The following PPARGC1A variants were observed in gnomAD, a reference collection of about 807,000 sequenced individuals.
PPARGC1A encodes peroxisome proliferator-activated receptor gamma coactivator 1-alpha.
PPARGC1A carries 25 observed loss-of-function variants against 88.7 expected under a neutral mutation model. That is an observed-to-expected ratio of 0.28 (90% CI 0.21 to 0.39). The LOEUF is 0.39. Ranked by LOEUF, PPARGC1A falls within the 10% of genes least tolerant of loss-of-function variation. The pLI, the probability that PPARGC1A is intolerant of heterozygous loss-of-function variation, is 1.00. For missense variants in PPARGC1A, 880 were observed against 968.7 expected (o/e 0.91, Z 1.22); for synonymous variants, 363 against 355.6 (o/e 1.02, Z -0.24).
At chr4:24,295,693 A>G in the PPARGC1A span, among the ~76,000 whole-genome samples, 1 of 150,088 alleles carries the variant, frequency 6.7e-6, no homozygotes, top group Non-Finnish European at 1.5e-5. Context: ...ATATGAGTAT[A>G]TACATTACAT....
the PPARGC1A span, among the ~76,000 whole-genome samples, chr4:24,422,999 T>C: frequency 6.6e-6 from 1 of 152,216 alleles, no homozygotes; most frequent in African/African-American, 2.4e-5. Context: ...GCCCCTATTA[T>C]GCTGTTACAG....
chr4:23,893,163 G>A (rs970667813), upstream of PPARGC1A, among the ~76,000 whole-genome samples: 3 of 128,608 alleles, frequency 2.3e-5, no homozygotes, highest in South Asian at 2.7e-4. Flanking sequence ...AATCTATCTC[G>A]AGTTGCTAAC....
the PPARGC1A span, among the ~76,000 whole-genome samples, chr4:24,166,487 A>T: frequency 5.9e-5 from 9 of 152,216 alleles, no homozygotes; most frequent in Non-Finnish European, 1.3e-4. Flanking sequence ...AGAAAGGAGG[A>T]GTCAATGCTT....
chr4:24,052,849 C>T, the PPARGC1A span, among the ~76,000 whole-genome samples: 1 of 141,478 alleles, frequency 7.1e-6, no homozygotes. Flanking sequence ...CTGTGGCGTA[C>T]GCAGATTTTT....
the PPARGC1A span, among the ~76,000 whole-genome samples, chr4:23,920,785 C>G: frequency 6.6e-6 from 1 of 152,202 alleles, no homozygotes; most frequent in Non-Finnish European, 1.5e-5. Flanking sequence ...AGTGTCAGCG[C>G]TTGCCCTGCT....
At chr4:24,024,395 T>A in the PPARGC1A span, among the ~76,000 whole-genome samples, 4 of 152,196 alleles carry the variant, frequency 2.6e-5, no homozygotes, top group Non-Finnish European at 4.4e-5. Flanking sequence ...TTCCACTACA[T>A]CAGCAGTCAG....
the PPARGC1A span, among the ~76,000 whole-genome samples, chr4:24,273,879 C>T: frequency 6.6e-6 from 1 of 151,586 alleles, no homozygotes; most frequent in Admixed American, 6.6e-5. Flanking sequence ...TACAGGCACC[C>T]GCCACCACGC....
At chr4:23,808,659 GAGAA>G in intron 10 of PPARGC1A, among the ~76,000 whole-genome samples, 1 of 152,140 alleles carries the variant, frequency 6.6e-6, no homozygotes. Context: ...ATTGCTTTTT[GAGAA>G]AGAGTCAGGA....
chr4:24,339,067 G>A, the PPARGC1A span, among the ~76,000 whole-genome samples: 10 of 151,738 alleles, frequency 6.6e-5, no homozygotes, highest in African/African-American at 2.2e-4. Context: ...GTCATGTCCT[G>A]GTAACCTCCA....
chr4:23,949,179 G>A, the PPARGC1A span, among the ~76,000 whole-genome samples: 1 of 152,112 alleles, frequency 6.6e-6, no homozygotes, highest in Non-Finnish European at 1.5e-5. Context: ...AACTCAAGGA[G>A]TTTGAGTATG....
At chr4:24,121,193 C>A in the PPARGC1A span, among the ~76,000 whole-genome samples, 1 of 152,204 alleles carries the variant, frequency 6.6e-6, no homozygotes, top group Non-Finnish European at 1.5e-5. Context: ...AGCTTACAGT[C>A]CAGTGACAGT....
At chr4:24,466,924 G>A in the PPARGC1A span, among the ~76,000 whole-genome samples, 1 of 134,268 alleles carries the variant, frequency 7.4e-6, no homozygotes, top group South Asian at 2.4e-4. Context: ...AGGAAGGGAA[G>A]GAAGGGAGGG....
At chr4:23,801,595 TAA>T in intron 12 of PPARGC1A, 133 bp downstream of exon 12, 1 of 1,028,654 alleles carries the variant, frequency 9.7e-7, no homozygotes, top group Non-Finnish European at 1.4e-6. Context: ...ACGTTTTTCT[TAA>T]AAATCTGTAT....
intron 2 of PPARGC1A, among the ~76,000 whole-genome samples, chr4:23,873,936 G>A (rs4550905): frequency 0.63 from 95,333 of 152,044 alleles, 30,478 homozygotes; most frequent in Non-Finnish European, 0.7. Flanking sequence ...GCATTCACCC[G>A]AGAAAAGCTA....
upstream of PPARGC1A, among the ~76,000 whole-genome samples, chr4:23,892,026 T>C (rs1465666563): frequency 6.6e-6 from 1 of 152,216 alleles, no homozygotes; most frequent in Admixed American, 6.5e-5. Context: ...TATCATGTGA[T>C]TCTTCCATTG....
the PPARGC1A span, among the ~76,000 whole-genome samples, chr4:24,368,184 T>A: frequency 6.6e-6 from 1 of 152,164 alleles, no homozygotes; most frequent in Non-Finnish European, 1.5e-5. Context: ...CTGGGTCAAA[T>A]GTGAACTGAA....
At chr4:23,850,569 G>C (rs1729105303) in intron 2 of PPARGC1A, among the ~76,000 whole-genome samples, 1 of 152,142 alleles carries the variant, frequency 6.6e-6, no homozygotes, top group Non-Finnish European at 1.5e-5. Context: ...CTTTGGCCTT[G>C]AAGAAATAAA....
At chr4:24,135,863 A>C in the PPARGC1A span, among the ~76,000 whole-genome samples, 1 of 152,174 alleles carries the variant, frequency 6.6e-6, no homozygotes, top group African/African-American at 2.4e-5. Flanking sequence ...TTGCTTCTTC[A>C]TGCATCGCTA....
At chr4:24,109,191 C>G in the PPARGC1A span, among the ~76,000 whole-genome samples, 1 of 151,736 alleles carries the variant, frequency 6.6e-6, no homozygotes, top group Admixed American at 6.6e-5. Context: ...AAATATGGCC[C>G]CCAGCAGGCC....
Sources: gnomAD v4.1 joint callset for allele counts (sites outside exome capture counted in the v4.1 genomes callset) on GRCh38, gnomAD v4.1.1 for gene constraint, MANE v1.5 for transcripts, NCBI Gene and HGNC (gene_info 2026-07-23, HGNC 2026-07-21) for gene names.